PAX7: variants seen among roughly 807,000 people sequenced by gnomAD.
PAX7 encodes paired box protein Pax-7.
In PAX7, 18 loss-of-function variants were observed where a neutral mutation model predicts 50.7. That is an observed-to-expected ratio of 0.36 (90% CI 0.25 to 0.53). PAX7 has a LOEUF of 0.53. PAX7 is among the 20% of genes least tolerant of loss of function. The pLI, the probability that PAX7 is intolerant of heterozygous loss-of-function variation, is 0.93. For synonymous variants in PAX7, 310 were observed against 290.4 expected, an observed-to-expected ratio of 1.07 and a Z score of -0.69; for missense variants, 644 against 702.9, an observed-to-expected ratio of 0.92 and a Z score of 0.95.
chr1:18,691,760 G>C lies in PAX7; in HGVS notation c.593G>C (p.Arg198Pro). 1 of 1,575,740 alleles carries C rather than the reference G, an allele frequency of 6.3e-7. No homozygotes were observed. The highest frequency in any genetic ancestry group is 8.6e-7 in the Non-Finnish European group (1 of 1,160,990). ...CCCTCTCCTCCGGCTGTAGGGAACC[G>C]GCTGGACGAGGGCTCGGATGTGGAG... ...IDGILGDKGN[R>P]LDEGSDVESE... is the part of the protein sequence containing the mutation. Residue 198 changes from arginine (R) to proline (P), a missense_variant, in exon 5 of 9, where the codon CGG becomes CCG. Coordinates refer to ENST00000420770, the MANE Select transcript of PAX7 (RefSeq NM_001135254.2).
At chr1:18,716,946 G>A (rs932514799) in intron 7 of PAX7, among the ~76,000 whole-genome samples, 7 of 147,196 alleles carry the variant, frequency 4.8e-5, no homozygotes, top group Admixed American at 6.8e-5. Flanking sequence ...TCCCGAGGCC[G>A]GGCGGACCCA....
intron 7 of PAX7, among the ~76,000 whole-genome samples, chr1:18,712,139 G>GGT (rs1328281710): frequency 6.6e-6 from 1 of 152,172 alleles, no homozygotes; most frequent in Non-Finnish European, 1.5e-5. Flanking sequence ...GTGAACTGAT[G>GGT]GTCAGTGTGA....
intron 7 of PAX7, among the ~76,000 whole-genome samples, chr1:18,724,119 G>C (rs1338691972): frequency 6.6e-6 from 1 of 152,236 alleles, no homozygotes; most frequent in African/African-American, 2.4e-5. Flanking sequence ...CCGGCAAGGA[G>C]TGGCGTCAGC....
At chr1:18,669,099 G>A (rs1046044963) in intron 4 of PAX7, among the ~76,000 whole-genome samples, 66 of 152,194 alleles carry the variant, frequency 4.3e-4, no homozygotes, top group African/African-American at 1.5e-3. Context: ...GGGAGGGATC[G>A]GGGGCCAAGG....
rs895030259 is a variant in PAX7, at chr1:18,668,636, C to T, written c.587-23118C>T. Among the ~76,000 whole-genome samples, 5 of 152,112 alleles carry T rather than the reference C, an allele frequency of 3.3e-5. No individual in the cohort carries two copies. The East Asian group carries it at 5.8e-4, about 18-fold the overall frequency. The stretch of plus-strand genomic sequence containing the variant: ...GGAGGATGGCATGAGCCTGGGAGGT[C>T]GGGGCTGCAGTGAGCCTTGATCTTG... On this transcript the variant is annotated intron_variant, in intron 4 of 8. Transcript: ENST00000420770.
intron 7 of PAX7, among the ~76,000 whole-genome samples, chr1:18,715,246 T>C (rs1166762532): frequency 6.6e-6 from 1 of 152,250 alleles, no homozygotes; most frequent in Non-Finnish European, 1.5e-5. Context: ...GAAGCTTTCC[T>C]TCAGGACACC....
intron 4 of PAX7, among the ~76,000 whole-genome samples, chr1:18,658,005 C>T (rs1229015086): frequency 6.6e-6 from 1 of 152,174 alleles, no homozygotes; most frequent in Non-Finnish European, 1.5e-5. Flanking sequence ...ATGAATACCT[C>T]TCAATGGCCC....
chr1:18,652,176 T>C (rs990249346), intron 4 of PAX7, among the ~76,000 whole-genome samples: 2 of 148,154 alleles, frequency 1.3e-5, no homozygotes, highest in Non-Finnish European at 3.0e-5. Context: ...GCAGAGCCGG[T>C]AGAGGGTGGG....
At chr1:18,732,276 G>T (rs2089655752) in intron 7 of PAX7, among the ~76,000 whole-genome samples, 1 of 152,200 alleles carries the variant, frequency 6.6e-6, no homozygotes. Context: ...ACATGGGATT[G>T]GCATTTTTCA....
chr1:18,705,790 A>C (rs7524459), intron 7 of PAX7, among the ~76,000 whole-genome samples: 33,642 of 152,030 alleles, frequency 0.22, 4,730 homozygotes, highest in Non-Finnish European at 0.3. Context: ...CCAGCCCTCC[A>C]CCCAGCCCAG....
chr1:18,690,806 C>T (rs1056581213), intron 4 of PAX7, among the ~76,000 whole-genome samples: 2 of 152,194 alleles, frequency 1.3e-5, no homozygotes, highest in African/African-American at 4.8e-5. Context: ...ACTCAGAGAC[C>T]CTGGGACATC....
At position 18,631,586 on chromosome 1, in the gene PAX7, TC is replaced by T; in HGVS notation, c.-14del. 1 of 1,608,524 alleles carries T rather than the reference TC, an allele frequency of 6.2e-7. No homozygotes were observed. The highest frequency in any genetic ancestry group is 8.5e-7 in the Non-Finnish European group (1 of 1,177,768). On this transcript the variant is annotated 5_prime_UTR_variant, in exon 1 of 9. Transcript: ENST00000420770. ...GCGATTTTTGCCGACTTTGGATTCG[TC>T]CCCGGCGTGCGCAAGAATGGCGGCC...
intron 6 of PAX7, among the ~76,000 whole-genome samples, chr1:18,702,832 G>A (rs963972330): frequency 3.9e-5 from 6 of 152,156 alleles, no homozygotes; most frequent in African/African-American, 1.4e-4. Flanking sequence ...CCTACTGTGT[G>A]CCAAGCACTG....
intron 4 of PAX7, among the ~76,000 whole-genome samples, chr1:18,679,854 G>T (rs2088872383): frequency 6.6e-6 from 1 of 152,198 alleles, no homozygotes; most frequent in South Asian, 2.1e-4. Flanking sequence ...TTCATTCCTT[G>T]CCTTTGTGTT....
At position 18,634,164 on chromosome 1, in the gene PAX7, A is replaced by C. The variant is rs2088105633; in HGVS notation, c.86-139A>C. On this transcript the variant is annotated intron_variant, in intron 1 of 8. Transcript: ENST00000420770. This position sits in a 1 kb window ranked among gnomAD's most constrained non-coding sequence, Gnocchi z 4.0. ...CAAACTACCTACCTACCGAAGCCCC[A>C]GTGTGAGGACCACCGGGATTGCTGT... 2 of 637,214 alleles carry C rather than the reference A, an allele frequency of 3.1e-6. No individual in the cohort carries two copies. The highest frequency in any genetic ancestry group is 2.8e-6 in the Non-Finnish European group (1 of 361,524). 39.5% of individuals were successfully genotyped at this position (637,214 alleles called of 1,614,324 possible). A position where few individuals can be genotyped will look rare whatever the true frequency, so the allele number is the denominator to read the frequency against.
intron 4 of PAX7, among the ~76,000 whole-genome samples, chr1:18,657,845 T>C (rs1245839009): frequency 6.6e-6 from 1 of 152,142 alleles, no homozygotes; most frequent in African/African-American, 2.4e-5. Context: ...TTCTTCTCTC[T>C]CTGAAAATGA....
intron 8 of PAX7, among the ~76,000 whole-genome samples, chr1:18,737,050 G>A (rs1245309477): frequency 6.6e-6 from 1 of 152,264 alleles, no homozygotes; most frequent in African/African-American, 2.4e-5. Context: ...GCCTTGCCTT[G>A]AGGCAGGGAC....
At chr1:18,702,304 A>C (rs1401481291) in intron 6 of PAX7, among the ~76,000 whole-genome samples, 1 of 152,000 alleles carries the variant, frequency 6.6e-6, no homozygotes, top group Non-Finnish European at 1.5e-5. Flanking sequence ...GCGCCACTGC[A>C]CTCCAGCCTG....
In PAX7 at chr1:18,744,870, C is replaced by G. The variant is rs927869403; in HGVS notation, c.1459C>G (p.Leu487Val). ...VSLSTQRRMK[L>V]GEHSAVLGLL... The stretch of plus-strand genomic sequence containing the variant: ...CCTCTCCACCCAGCGTCGCATGAAG[C>G]TCGGGGAGCACTCTGCTGTGCTGGG... Residue 487 changes from leucine to valine, a missense_variant, in exon 9 of 9, where the codon CTC becomes GTC. Physicochemically the swap from Leu to Val is conservative, Grantham distance 32. Coordinates refer to ENST00000420770, the MANE Select transcript of PAX7 (RefSeq NM_001135254.2). The G allele has an allele frequency of 6.4e-7, 1 of 1,558,812 alleles. No individual in the cohort carries two copies. Among genetic ancestry groups the G allele is most frequent in the Non-Finnish European group, 8.7e-7 (1 of 1,151,002 alleles).
Sources: allele counts gnomAD v4.1 joint callset (sites outside exome capture counted in the v4.1 genomes callset), GRCh38; gene constraint gnomAD v4.1.1; non-coding constraint Gnocchi (gnomAD v3.1); transcripts MANE v1.5; gene names NCBI Gene and HGNC (gene_info 2026-07-23, HGNC 2026-07-21).